IGF2BP3: variants seen among roughly 807,000 people sequenced by gnomAD.
IGF2BP3 encodes insulin-like growth factor 2 mRNA-binding protein 3.
Under a neutral mutation model 73.8 loss-of-function variants are expected in IGF2BP3, and 9 were observed. That is an observed-to-expected ratio of 0.12 (90% CI 0.07 to 0.21). The LOEUF (loss-of-function observed/expected upper bound fraction) is 0.21, where lower values mean the gene tolerates loss of function less well. Among genes scored for constraint, IGF2BP3 ranks in the 10% least tolerant of loss-of-function variants. The pLI, the probability that IGF2BP3 is intolerant of heterozygous loss-of-function variation, is 1.00. For synonymous variants in IGF2BP3, 258 were observed against 256.7 expected (o/e 1.01, Z -0.05); for missense variants, 542 against 714.0 (o/e 0.76, Z 2.75).
chr7:23,321,435 C>A (rs1009148577), intron 10 of IGF2BP3, among the ~76,000 whole-genome samples: 5 of 152,216 alleles, frequency 3.3e-5, no homozygotes, highest in African/African-American at 4.8e-5. Flanking sequence ...CCCACGGAGT[C>A]TCGCTGATTG....
At chr7:23,368,496 T>C (rs1324256819) in intron 3 of IGF2BP3, among the ~76,000 whole-genome samples, 1 of 152,150 alleles carries the variant, frequency 6.6e-6, no homozygotes, top group Non-Finnish European at 1.5e-5. Flanking sequence ...GAAAGTAGAT[T>C]AGTGGTTTCT....
intron 2 of IGF2BP3, among the ~76,000 whole-genome samples, chr7:23,434,425 G>A (rs1287092458): frequency 1.3e-5 from 2 of 152,112 alleles, no homozygotes; most frequent in South Asian, 2.1e-4. Context: ...TTTCCCAGAG[G>A]TAGACTTACA....
intron 2 of IGF2BP3, among the ~76,000 whole-genome samples, chr7:23,448,228 T>C (rs1352758606): frequency 6.6e-6 from 1 of 152,116 alleles, no homozygotes; most frequent in Non-Finnish European, 1.5e-5. Flanking sequence ...GTTTTAGGAA[T>C]AACAGAAGGA....
intron 12 of IGF2BP3, among the ~76,000 whole-genome samples, chr7:23,316,610 G>A (rs1272018724): frequency 7.0e-6 from 1 of 143,596 alleles, no homozygotes; most frequent in African/African-American, 2.6e-5. Flanking sequence ...AGGAGGTGGA[G>A]TTTGCAGTGA....
At chr7:23,388,199 C>T (rs746660354) in intron 3 of IGF2BP3, among the ~76,000 whole-genome samples, 2 of 152,054 alleles carry the variant, frequency 1.3e-5, no homozygotes, top group African/African-American at 2.4e-5. Flanking sequence ...AGCCTCCCAA[C>T]GTGCTGGGAT....
At chr7:23,382,894 CAAAAAAAAA>C (rs57466793) in intron 3 of IGF2BP3, among the ~76,000 whole-genome samples, 8 of 49,116 alleles carry the variant, frequency 1.6e-4, no homozygotes, top group Non-Finnish European at 2.3e-4. Context: ...CTAGCTCTAC[CAAAAAAAAA>C]AAAAAAAAAA....
At position 23,342,209 on chromosome 7, in the gene IGF2BP3, C is replaced by T. The variant is rs1321495407; in HGVS notation, c.1078-20G>A. 3 of 1,612,506 alleles carry T rather than the reference C, an allele frequency of 1.9e-6. No homozygotes were observed. In the South Asian group the frequency reaches 3.3e-5, roughly 18 times the overall value. On this transcript the variant is annotated intron_variant, in intron 9 of 14. Coordinates refer to ENST00000258729, the MANE Select transcript of IGF2BP3 (RefSeq NM_006547.3). ...TTGAAGCTGCAACAGTAAAAAGGCC[C>T]CTTAATTTGACAATTAAAAGAATCA...
intron 2 of IGF2BP3, among the ~76,000 whole-genome samples, chr7:23,419,142 C>G (rs1787274841): frequency 6.6e-6 from 1 of 152,190 alleles, no homozygotes; most frequent in Admixed American, 6.5e-5. Flanking sequence ...TCAAATTAGG[C>G]ATCCCAGGAC....
At chr7:23,373,125 A>T (rs950433151) in intron 3 of IGF2BP3, among the ~76,000 whole-genome samples, 8 of 152,234 alleles carry the variant, frequency 5.3e-5, no homozygotes, top group African/African-American at 1.9e-4. Flanking sequence ...TAGGCAGGTT[A>T]AGAGCTTTAT....
chr7:23,448,975 C>A (rs1376692729), intron 2 of IGF2BP3, among the ~76,000 whole-genome samples: 1 of 152,140 alleles, frequency 6.6e-6, no homozygotes, highest in East Asian at 1.9e-4. Context: ...ATCCTCTGGG[C>A]TGCAGTTTCC....
At chr7:23,348,744 A>G (rs1199658004) in intron 6 of IGF2BP3, among the ~76,000 whole-genome samples, 2 of 152,148 alleles carry the variant, frequency 1.3e-5, no homozygotes, top group Non-Finnish European at 2.9e-5. Flanking sequence ...ACATTGCCAA[A>G]TGTCTACGGG....
At chr7:23,398,762 A>T (rs1008619679) in intron 3 of IGF2BP3, among the ~76,000 whole-genome samples, 20 of 151,006 alleles carry the variant, frequency 1.3e-4, no homozygotes, top group Non-Finnish European at 2.8e-4. Context: ...ATGGGGTTGT[A>T]TTTTTCTTGT....
chr7:23,443,552 G>C (rs1242315924), intron 2 of IGF2BP3, among the ~76,000 whole-genome samples: 1 of 152,064 alleles, frequency 6.6e-6, no homozygotes, highest in Non-Finnish European at 1.5e-5. Flanking sequence ...TGTAATCCCA[G>C]CTACTTGGGA....
chr7:23,368,359 G>GAAAGAAAGAAAA (rs1318259226), intron 3 of IGF2BP3, among the ~76,000 whole-genome samples: 13 of 150,632 alleles, frequency 8.6e-5, no homozygotes, highest in Admixed American at 6.0e-4. Flanking sequence ...AAGAAAGAAA[G>GAAAGAAAGAAAA]AAAGAAAGAA....
At chr7:23,345,358 T>C (rs1393051931) in intron 8 of IGF2BP3, among the ~76,000 whole-genome samples, 1 of 152,246 alleles carries the variant, frequency 6.6e-6, no homozygotes, top group Non-Finnish European at 1.5e-5. Context: ...AGAAAAATGA[T>C]AGAGTATAAC....
At chr7:23,387,063 C>CA (rs554283709) in intron 3 of IGF2BP3, among the ~76,000 whole-genome samples, 3,043 of 90,766 alleles carry the variant, frequency 0.034, 75 homozygotes, top group East Asian at 0.19. Context: ...AAGACTCTGT[C>CA]AAAAAAAAAA....
At chr7:23,317,768 C>A (rs1223906884) in intron 11 of IGF2BP3, 55 bp from the exon 12 acceptor site, 13 of 1,392,442 alleles carry the variant, frequency 9.3e-6, no homozygotes, top group Non-Finnish European at 3.1e-6. Flanking sequence ...TGATAGGCAT[C>A]TTGGGCCAAC....
At chr7:23,320,971 A>G (rs1408402678) in intron 10 of IGF2BP3, among the ~76,000 whole-genome samples, 6 of 144,558 alleles carry the variant, frequency 4.2e-5, no homozygotes, top group Admixed American at 2.0e-4. Flanking sequence ...AAAAAAAAAG[A>G]AAAAACAAAA....
intron 2 of IGF2BP3, among the ~76,000 whole-genome samples, chr7:23,435,416 G>T (rs750054044): frequency 2.7e-5 from 4 of 148,216 alleles, no homozygotes; most frequent in Admixed American, 1.4e-4. Context: ...GCAACATCCA[G>T]ACCTGGGAAA....
Sources: gnomAD v4.1 joint callset for allele counts (sites outside exome capture counted in the v4.1 genomes callset) on GRCh38, gnomAD v4.1.1 for gene constraint, MANE v1.5 for transcripts, NCBI Gene and HGNC (gene_info 2026-07-23, HGNC 2026-07-21) for gene names.